Variants in ADARB1 observed in about 807,000 individuals in gnomAD.
ADARB1 encodes adenosine deaminase RNA specific B1.
A neutral mutation model predicts 52.4 loss-of-function variants in ADARB1; 10 were observed. The observed-to-expected ratio is 0.19, with a 90% CI of 0.12 to 0.32. The LOEUF is 0.32. Ranked by LOEUF, ADARB1 falls within the 10% of genes least tolerant of loss-of-function variation. ADARB1 has a pLI of 1.00. For synonymous variants in ADARB1, 349 were observed against 371.1 expected, an observed-to-expected ratio of 0.94 and a Z score of 0.68; for missense variants, 643 against 922.3, an observed-to-expected ratio of 0.70 and a Z score of 3.92.
intron 2 of ADARB1, among the ~76,000 whole-genome samples, chr21:45,158,595 T>A (rs2090793787): frequency 1.3e-5 from 2 of 152,104 alleles, no homozygotes; most frequent in Non-Finnish European, 2.9e-5. Context: ...CCGAGGCCAC[T>A]GTGCAGCAGC....
rs766126367 is a variant in ADARB1, at chr21:45,220,853, G to A, written c.1765G>A (p.Ala589Thr). 3 of 1,613,168 alleles carry A rather than the reference G, an allele frequency of 1.9e-6. No individual in the cohort carries two copies. Among genetic ancestry groups the A allele is most frequent in the Non-Finnish European group, 2.5e-6 (3 of 1,179,848 alleles). The change falls in exon 10 of 11, where the codon GCA becomes ACA. Residue 589 changes from alanine to threonine, a missense_variant. Physicochemically the swap from Ala to Thr is moderately conservative, Grantham distance 58 (BLOSUM62 0). Transcript: ENST00000348831. The surrounding 1 kb of genome is among the most constrained non-coding windows in gnomAD (Gnocchi z 6.3). ...CGTTTCAGGCATCAGCAATGCAGAA[G>A]CACGGCAGCCAGGGAAGGCCCCCAA... Reference protein sequence around the residue: ...PLLSGISNAEARQPGKAPNFS... With the variant: ...PLLSGISNAETRQPGKAPNFS...
intron 3 of ADARB1, among the ~76,000 whole-genome samples, chr21:45,175,133 G>T (rs1360867517): frequency 6.6e-6 from 1 of 152,164 alleles, no homozygotes; most frequent in African/African-American, 2.4e-5. Context: ...AGCTTTTAAA[G>T]ATTGGTTCAT....
intron 2 of ADARB1, among the ~76,000 whole-genome samples, chr21:45,148,813 G>T (rs889720394): frequency 1.3e-5 from 2 of 152,184 alleles, no homozygotes; most frequent in Non-Finnish European, 2.9e-5. Context: ...GGCCTGGCGA[G>T]ATCTCTGCAT....
Position 45,157,330 on chromosome 21 carries a change from G to A in ADARB1, c.-47-14280G>A, listed in dbSNP as rs887197474. Among the ~76,000 whole-genome samples, 1 of 152,176 alleles carries A rather than the reference G, an allele frequency of 6.6e-6. No individual in the cohort carries two copies. Among genetic ancestry groups the A allele is most frequent in the Non-Finnish European group, 1.5e-5 (1 of 68,030 alleles). ...TAGTGCAGTTATAAGTGTTAATATT[G>A]AAAATAAAGTTTACATCGTTGTCTT... On this transcript the variant is annotated intron_variant, in intron 2 of 10. Transcript: ENST00000348831. This position sits in a 1 kb window ranked among gnomAD's most constrained non-coding sequence, Gnocchi z 4.1.
rs1009889525 is a variant in ADARB1, at chr21:45,184,916, C to G, written c.1397-7C>G. 3 of 1,606,154 alleles carry G rather than the reference C, an allele frequency of 1.9e-6. No individual in the cohort carries two copies. The highest frequency in any genetic ancestry group is 1.1e-5 in the South Asian group (1 of 90,680). ...CCTGTGGGGTTTTAACTCTTTTTCT[C>G]TCTTAGAACCAGCAGATAGACACCC... is the stretch of plus-strand genomic sequence containing the variant. On this transcript the variant is annotated splice_polypyrimidine_tract_variant and splice_region_variant and intron_variant, in intron 7 of 10. Transcript: ENST00000348831.
chr21:45,197,013 G>A (rs1037125335), intron 8 of ADARB1, among the ~76,000 whole-genome samples: 1 of 152,092 alleles, frequency 6.6e-6, no homozygotes, highest in East Asian at 1.9e-4. Flanking sequence ...CCAACATGAC[G>A]AAACCCCATC....
chr21:45,078,399 C>T (rs1041945972), intron 1 of ADARB1, among the ~76,000 whole-genome samples: 1 of 152,224 alleles, frequency 6.6e-6, no homozygotes, highest in Non-Finnish European at 1.5e-5. Context: ...TTCCTGCCCT[C>T]AAGCGGTTCA....
At chr21:45,151,326 T>C (rs865907531) in intron 2 of ADARB1, among the ~76,000 whole-genome samples, 1 of 152,230 alleles carries the variant, frequency 6.6e-6, no homozygotes, top group Non-Finnish European at 1.5e-5. Context: ...GTAATAAGAA[T>C]TGCTTAATAT....
chr21:45,204,044 A>G lies in ADARB1; in HGVS notation c.1566-511A>G, dbSNP rs2092616973. Reference sequence around the variant, plus strand: ...AATCTTATCACCAAGGCGACTGCTAATGGGCCAGCGGCATCTGCAACGTGG... The same window carrying G: ...AATCTTATCACCAAGGCGACTGCTAGTGGGCCAGCGGCATCTGCAACGTGG... On this transcript the variant is annotated intron_variant, in intron 8 of 10. Coordinates refer to ENST00000348831, the MANE Select transcript of ADARB1 (RefSeq NM_001112.4). This position sits in a 1 kb window ranked among gnomAD's most constrained non-coding sequence, Gnocchi z 4.4. Among the ~76,000 whole-genome samples, 1 of 152,236 alleles carries G rather than the reference A, an allele frequency of 6.6e-6. No homozygotes were observed. Among genetic ancestry groups the G allele is most frequent in the Admixed American group, 6.5e-5 (1 of 15,290 alleles).
intron 1 of ADARB1, among the ~76,000 whole-genome samples, chr21:45,082,481 G>A (rs975391778): frequency 2.0e-5 from 3 of 152,146 alleles, no homozygotes; most frequent in Non-Finnish European, 2.9e-5. Context: ...ACACAGACAC[G>A]TGCATTTAAA....
At chr21:45,210,605 G>A (rs1017738441) in intron 9 of ADARB1, among the ~76,000 whole-genome samples, 1 of 152,170 alleles carries the variant, frequency 6.6e-6, no homozygotes, top group Non-Finnish European at 1.5e-5. Flanking sequence ...AATCCACGCC[G>A]CAGCCCTGTG....
Position 45,138,561 on chromosome 21 carries a change from T to C in ADARB1, c.-48+9988T>C, listed in dbSNP as rs563372576. 3.9e-5 allele frequency among the ~76,000 whole-genome samples: 6 copies of C among 152,370 alleles called. No individual in the cohort carries two copies. The South Asian group carries it at 1.2e-3, about 32-fold the overall frequency. On this transcript the variant is annotated intron_variant, in intron 2 of 10. Transcript: ENST00000348831. ...TCTATTCCTTTTGTCAGAGACATTG[T>C]GGAAGCCCTCAGCATATTTTCACCT...
intron 1 of ADARB1, among the ~76,000 whole-genome samples, chr21:45,111,146 C>T (rs1198552829): frequency 6.6e-6 from 1 of 152,172 alleles, no homozygotes; most frequent in Admixed American, 6.5e-5. Flanking sequence ...GGCCAGCACA[C>T]GGAGCGCTGC....
At chr21:45,075,363 C>T in intron 1 of ADARB1, among the ~76,000 whole-genome samples, 1 of 151,926 alleles carries the variant, frequency 6.6e-6, no homozygotes, top group African/African-American at 2.4e-5. Flanking sequence ...CGGGATGAGG[C>T]TGGGCCCGGG....
chr21:45,118,156 C>T (rs2087934049), intron 1 of ADARB1, among the ~76,000 whole-genome samples: 1 of 152,200 alleles, frequency 6.6e-6, no homozygotes, highest in East Asian at 1.9e-4. Flanking sequence ...TTCTGCCTCA[C>T]CAAACCTTTG....
rs371993205 is a variant in ADARB1, at chr21:45,217,258, G to A, written c.1748-3578G>A. ...TTTCATCTTGCTACTTATTTTCTACGTGTTTCATATGTTCTTTGTTCACTT... is the reference window on the plus strand; with the variant it reads ...TTTCATCTTGCTACTTATTTTCTACATGTTTCATATGTTCTTTGTTCACTT... On this transcript the variant is annotated intron_variant, in intron 9 of 10. Transcript: ENST00000348831. Among the ~76,000 whole-genome samples, 21 of 151,870 alleles carry A rather than the reference G, an allele frequency of 1.4e-4. No homozygotes were observed. In the East Asian group the frequency reaches 2.7e-3, roughly 20 times the overall value.
chr21:45,084,207 G>A (rs976963637), intron 1 of ADARB1, among the ~76,000 whole-genome samples: 1 of 152,206 alleles, frequency 6.6e-6, no homozygotes, highest in African/African-American at 2.4e-5. Flanking sequence ...GAAGACTATT[G>A]TAAGTCAGAG....
intron 9 of ADARB1, among the ~76,000 whole-genome samples, chr21:45,205,455 G>A (rs143834430): frequency 1.3e-3 from 197 of 152,242 alleles, no homozygotes; most frequent in African/African-American, 4.5e-3. Flanking sequence ...TCTCCGGGAC[G>A]TTTACGCTGT....
intron 1 of ADARB1, among the ~76,000 whole-genome samples, chr21:45,109,291 C>T (rs959400906): frequency 1.4e-5 from 2 of 146,680 alleles, no homozygotes; most frequent in African/African-American, 2.5e-5. Flanking sequence ...CGCGCTTGTG[C>T]ATATATGTGT....
Sources: allele counts gnomAD v4.1 joint callset (sites outside exome capture counted in the v4.1 genomes callset), GRCh38; gene constraint gnomAD v4.1.1; non-coding constraint Gnocchi (gnomAD v3.1); transcripts MANE v1.5; gene names NCBI Gene and HGNC (gene_info 2026-07-23, HGNC 2026-07-21).